Variants in ZKSCAN3 observed in about 807,000 individuals in gnomAD.
The protein encoded by ZKSCAN3 is zinc finger protein with KRAB and SCAN domains 3.
In ZKSCAN3, 21 loss-of-function variants were observed where a neutral mutation model predicts 30.7. That is an observed-to-expected ratio of 0.68 (90% CI 0.49 to 0.99). The LOEUF (loss-of-function observed/expected upper bound fraction) is 0.99, where lower values mean the gene tolerates loss of function less well. Among genes scored for constraint, ZKSCAN3 ranks in the 50% least tolerant of loss-of-function variants. ZKSCAN3 has a pLI of 0.00. For missense variants in ZKSCAN3, 507 were observed against 647.1 expected (o/e 0.78, Z 2.35); for synonymous variants, 201 against 246.7 (o/e 0.81, Z 1.73).
intron 1 of ZKSCAN3, among the ~76,000 whole-genome samples, chr6:28,358,254 A>G (rs537137006): frequency 2.6e-5 from 4 of 152,242 alleles, no homozygotes; most frequent in Admixed American, 2.6e-4. Context: ...GCACAATCAT[A>G]GCTTACTGCA....
intron 2 of ZKSCAN3, 127 bp downstream of exon 2, chr6:28,360,115 T>C: frequency 6.5e-7 from 1 of 1,543,346 alleles, no homozygotes; most frequent in Non-Finnish European, 8.8e-7. Flanking sequence ...TGAACCTCCT[T>C]GGCAGTAAGG....
At position 28,365,499 on chromosome 6, in the gene ZKSCAN3, ATCG is replaced by A. The variant is rs146485424; in HGVS notation, c.833_835del (p.Ser278del). The A allele has an allele frequency of 1.4e-3, 2,211 of 1,614,254 alleles. 9 individuals are homozygous for A. The highest frequency in any genetic ancestry group is 4.2e-3 in the Admixed American group (251 of 60,032). The stretch of plus-strand genomic sequence containing the variant: ...TTCCAGAAAAGGAGCATGGGAAGAT[ATCG>A]TGCCACCTGAGAGAAGACATTGCCC... On this transcript the variant is annotated inframe_deletion, in exon 6 of 6. Coordinates refer to ENST00000252211, the MANE Select transcript of ZKSCAN3 (RefSeq NM_024493.4).
In ZKSCAN3 at chr6:28,363,404, C is replaced by T; in HGVS notation, c.633+19C>T. 15 of 1,610,162 alleles carry T rather than the reference C, an allele frequency of 9.3e-6. No homozygotes were observed. Among genetic ancestry groups the T allele is most frequent in the Non-Finnish European group, 1.3e-5 (15 of 1,177,226 alleles). On this transcript the variant is annotated intron_variant, in intron 4 of 5. Transcript: ENST00000252211. ...GTCCCAGGTGAGCTGGAGCCCTATC[C>T]CTCCCCCAATGCCCCTCACTACTAT... is the stretch of plus-strand genomic sequence containing the variant.
At chr6:28,352,458 G>T (rs976488856) in intron 1 of ZKSCAN3, among the ~76,000 whole-genome samples, 1 of 151,798 alleles carries the variant, frequency 6.6e-6, no homozygotes, top group Admixed American at 6.6e-5. Context: ...TCGTCATATG[G>T]GCCAGGCTGT....
rs1765927259 is a variant in ZKSCAN3 at position 28,365,595 on chromosome 6, A to G, written c.927A>G (p.Thr309=). 6.2e-7 allele frequency: 1 copy of G among 1,614,132 alleles called. No individual in the cohort carries two copies. The highest frequency in any genetic ancestry group is 1.3e-5 in the African/African-American group (1 of 74,944). Residue 309 remains threonine (T), a synonymous_variant, in exon 6 of 6, where the codon ACA becomes ACG. Transcript: ENST00000252211. ...GRLQRKQKNA[T]GGRRHICHEC... ...TACAAAGAAAGCAGAAAAATGCCAC[A>G]GGAGGGAGGCGGCACATCTGCCATG...
chr6:28,359,609 G>T lies in ZKSCAN3; in HGVS notation c.23G>T (p.Ser8Ile). Residue 8 changes from serine (S) to isoleucine (I), a missense_variant, in exon 2 of 6, where the codon AGC becomes ATC. Transcript: ENST00000252211. Reference protein sequence around the residue: MARELSESTALDAQSTED... With the variant: MARELSEITALDAQSTED... Reference sequence around the variant, plus strand: ...AGGATGGCTAGAGAATTAAGTGAAAGCACAGCCCTGGATGCCCAGTCTACA... The same window carrying T: ...AGGATGGCTAGAGAATTAAGTGAAATCACAGCCCTGGATGCCCAGTCTACA... 1 of 1,614,168 alleles carries T rather than the reference G, an allele frequency of 6.2e-7. No individual in the cohort carries two copies. The highest frequency in any genetic ancestry group is 1.3e-5 in the African/African-American group (1 of 75,054).
chr6:28,363,814 G>C lies in ZKSCAN3; in HGVS notation c.756G>C (p.Leu252=), dbSNP rs1279741954. ...AGAACCATGGCAGCCTGGTCTCCCT[G>C]GGTAAGACTAAAGGACACTAATTTC... ...KQENHGSLVS[L]GDEKQTKSRD... Residue 252 remains leucine, a splice_region_variant and synonymous_variant, in exon 5 of 6, where the codon CTG becomes CTC. Coordinates refer to ENST00000252211, the MANE Select transcript of ZKSCAN3 (RefSeq NM_024493.4). 6.2e-7 allele frequency: 1 copy of C among 1,613,444 alleles called. No individual in the cohort carries two copies. Among genetic ancestry groups the C allele is most frequent in the African/African-American group, 1.3e-5 (1 of 74,908 alleles).
chr6:28,364,298 C>G (rs1190349316), intron 5 of ZKSCAN3, among the ~76,000 whole-genome samples: 1 of 152,186 alleles, frequency 6.6e-6, no homozygotes, highest in Non-Finnish European at 1.5e-5. Flanking sequence ...TCCCTTCTGA[C>G]CTTGCTTTCT....
intron 1 of ZKSCAN3, among the ~76,000 whole-genome samples, chr6:28,352,997 T>G (rs1467598958): frequency 1.3e-5 from 2 of 149,416 alleles, no homozygotes; most frequent in African/African-American, 4.9e-5. Context: ...AGAGTCTTGC[T>G]CTGTTGCCAG....
intron 1 of ZKSCAN3, among the ~76,000 whole-genome samples, chr6:28,352,775 T>C (rs1765125186): frequency 6.6e-6 from 1 of 152,086 alleles, no homozygotes; most frequent in African/African-American, 2.4e-5. Context: ...TAGGAGGAAG[T>C]ATTTTCTGGT....
Position 28,366,382 on chromosome 6 carries a change from T to G in ZKSCAN3, c.*97T>G. On this transcript the variant is annotated 3_prime_UTR_variant, in exon 6 of 6. Coordinates refer to ENST00000252211, the MANE Select transcript of ZKSCAN3 (RefSeq NM_024493.4). ...TATAGAAATTGTGGGCTGGGCTTTATTTACCACTACACATTATCAGGTGTT... is the reference window on the plus strand; with the variant it reads ...TATAGAAATTGTGGGCTGGGCTTTAGTTACCACTACACATTATCAGGTGTT... 7.6e-7 allele frequency: 1 copy of G among 1,322,290 alleles called. No individual in the cohort carries two copies. Among genetic ancestry groups the G allele is most frequent in the Non-Finnish European group, 1.0e-6 (1 of 990,534 alleles). The allele number at this position is 1,322,290 out of a possible 1,614,324, so 81.9% of individuals were successfully genotyped here.
chr6:28,361,197 T>C (rs1765753219), intron 2 of ZKSCAN3, 127 bp from the exon 3 acceptor site: 1 of 1,049,116 alleles, frequency 9.5e-7, no homozygotes, highest in Non-Finnish European at 1.4e-6. Flanking sequence ...ACCTCCCTTA[T>C]AAGATTGTTG....
In ZKSCAN3 at chr6:28,369,094, AG is replaced by A. The variant is rs1260352398; in HGVS notation, c.*2812del. On this transcript the variant is annotated 3_prime_UTR_variant, in exon 6 of 6. Transcript: ENST00000252211. The surrounding 1 kb of genome is among the most constrained non-coding windows in gnomAD (Gnocchi z 4.1). ...CAAGGCTTGGTCCTTCAAGGTTTTC[AG>A]GGATCTAGGGGACACAAATCTAACA... 6.6e-6 allele frequency: 1 copy of A among 152,158 alleles called. No homozygotes were observed. Among genetic ancestry groups the A allele is most frequent in the Non-Finnish European group, 1.5e-5 (1 of 68,008 alleles). 9.4% of individuals were successfully genotyped at this position (152,158 alleles called of 1,614,324 possible). A position where few individuals can be genotyped will look rare whatever the true frequency, so the allele number is the denominator to read the frequency against.
chr6:28,360,619 C>T, intron 2 of ZKSCAN3: 1 of 983,930 alleles, frequency 1.0e-6, no homozygotes, highest in Non-Finnish European at 1.2e-6. Context: ...GTCCTCTTTG[C>T]ATCATCCTGT....
rs182654386 is a variant in ZKSCAN3 at position 28,364,985 on chromosome 6, C to A, written c.758-441C>A. The stretch of plus-strand genomic sequence containing the variant: ...TCAAGTGATCTGCCAGCCTGAGCCT[C>A]CCAGTCGCTGTTTCTCAAAGGTATT... On this transcript the variant is annotated intron_variant, in intron 5 of 5. Transcript: ENST00000252211. Among the ~76,000 whole-genome samples, 619 of 152,298 alleles carry A rather than the reference C, an allele frequency of 4.1e-3. 7 individuals are homozygous for A. Among genetic ancestry groups the A allele is most frequent in the African/African-American group, 0.013 (553 of 41,560 alleles).
At chr6:28,360,371 G>A (rs1043997917) in intron 2 of ZKSCAN3, 4 of 184,036 alleles carry the variant, frequency 2.2e-5, no homozygotes, top group Non-Finnish European at 3.1e-5. Context: ...ACATCTGCAG[G>A]TTCTATTGGT....
In ZKSCAN3 at chr6:28,365,516, A is replaced by G; in HGVS notation, c.848A>G (p.Glu283Gly). 3 of 1,614,260 alleles carry G rather than the reference A, an allele frequency of 1.9e-6. No homozygotes were observed. The highest frequency in any genetic ancestry group is 2.5e-6 in the Non-Finnish European group (3 of 1,180,048). ...GGGAAGATATCGTGCCACCTGAGAG[A>G]AGACATTGCCCAGATTCCTACATGT... ...EHGKISCHLR[E>G]DIAQIPTCAE... Residue 283 changes from glutamate to glycine, a missense_variant, in exon 6 of 6, where the codon GAA becomes GGA. Coordinates refer to ENST00000252211, the MANE Select transcript of ZKSCAN3 (RefSeq NM_024493.4).
intron 3 of ZKSCAN3, 98 bp downstream of exon 3, chr6:28,361,569 C>CCCT: frequency 7.4e-7 from 1 of 1,342,522 alleles, no homozygotes; most frequent in Non-Finnish European, 1.0e-6. Context: ...CTTATGTGCC[C>CCCT]ATCACAGATC....
chr6:28,357,340 G>C (rs912835135), intron 1 of ZKSCAN3, among the ~76,000 whole-genome samples: 1 of 152,194 alleles, frequency 6.6e-6, no homozygotes, highest in Non-Finnish European at 1.5e-5. Flanking sequence ...CCCTATTACA[G>C]ATAAGGAGAG....
Sources: gnomAD v4.1 joint callset for allele counts (sites outside exome capture counted in the v4.1 genomes callset) on GRCh38, gnomAD v4.1.1 for gene constraint, Gnocchi (gnomAD v3.1) non-coding constraint, MANE v1.5 for transcripts, NCBI Gene and HGNC (gene_info 2026-07-23, HGNC 2026-07-21) for gene names.